Variants in PCDHAC2 observed in about 807,000 individuals in gnomAD.
The protein encoded by PCDHAC2 is protocadherin alpha-C2.
In PCDHAC2, 24 loss-of-function variants were observed where a neutral mutation model predicts 63.3. The observed-to-expected ratio is 0.38, with a 90% CI of 0.27 to 0.53. PCDHAC2 has a LOEUF of 0.53. PCDHAC2 is among the 20% of genes least tolerant of loss of function. The pLI is 0.81. For missense variants in PCDHAC2, 1,181 were observed against 1,275.2 expected, an observed-to-expected ratio of 0.93 and a Z score of 1.12; for synonymous variants, 569 against 529.4, an observed-to-expected ratio of 1.07 and a Z score of -1.03.
At chr5:140,984,260 A>G (rs2097093759) in intron 3 of PCDHAC2, among the ~76,000 whole-genome samples, 1 of 152,172 alleles carries the variant, frequency 6.6e-6, no homozygotes, top group South Asian at 2.1e-4. Context: ...GTAAGCCACA[A>G]ACTAACTTTG....
chr5:140,982,802 T>G (rs2153829847), intron 3 of PCDHAC2, among the ~76,000 whole-genome samples: 1 of 152,122 alleles, frequency 6.6e-6, no homozygotes, highest in South Asian at 2.1e-4. Context: ...TGCATGTGTG[T>G]GTGTGTGTAT....
intron 2 of PCDHAC2, 158 bp downstream of exon 2, chr5:140,979,165 A>G (rs1586797430): frequency 1.0e-6 from 1 of 970,900 alleles, no homozygotes; most frequent in South Asian, 4.8e-5. Flanking sequence ...TTATTCCTTG[A>G]AAGATCGCAA....
At chr5:140,980,113 C>T (rs2096877031) in intron 2 of PCDHAC2, among the ~76,000 whole-genome samples, 1 of 152,096 alleles carries the variant, frequency 6.6e-6, no homozygotes, top group African/African-American at 2.4e-5. Context: ...ACATTGGAAC[C>T]TGGGTCATAA....
Position 140,982,457 on chromosome 5 carries a change from G to A in PCDHAC2, c.2625-18G>A, listed in dbSNP as rs782510565. 6.2e-7 allele frequency: 1 copy of A among 1,613,966 alleles called. No homozygotes were observed. Among genetic ancestry groups the A allele is most frequent in the African/African-American group, 1.3e-5 (1 of 74,916 alleles). ...AATTTATGATCTAACCGTTATCTGG[G>A]TCTGTGTGTTTATTCAGCTCTGTGC... On this transcript the variant is annotated intron_variant, in intron 2 of 3. Transcript: ENST00000289269.
At chr5:140,998,738 A>G (rs1163158052) in intron 3 of PCDHAC2, among the ~76,000 whole-genome samples, 1 of 151,972 alleles carries the variant, frequency 6.6e-6, no homozygotes, top group Non-Finnish European at 1.5e-5. Context: ...CTAATTTTGT[A>G]TTTTTAGAAG....
chr5:140,982,154 G>A (rs1304368371), intron 2 of PCDHAC2, among the ~76,000 whole-genome samples: 3 of 152,210 alleles, frequency 2.0e-5, no homozygotes, highest in East Asian at 1.9e-4. Flanking sequence ...CTTCAGTATC[G>A]AGATGTTAAA....
intron 1 of PCDHAC2, among the ~76,000 whole-genome samples, chr5:140,973,877 A>G (rs782563295): frequency 6.6e-6 from 1 of 152,234 alleles, no homozygotes; most frequent in Non-Finnish European, 1.5e-5. Context: ...AGGTCAGAAT[A>G]ATGTCAATTT....
At chr5:140,988,761 A>G (rs1320753301) in intron 3 of PCDHAC2, among the ~76,000 whole-genome samples, 1 of 152,218 alleles carries the variant, frequency 6.6e-6, no homozygotes, top group Non-Finnish European at 1.5e-5. Context: ...TGGGCAGAAT[A>G]CAGTCATGGT....
At chr5:140,973,858 C>G (rs1277402007) in intron 1 of PCDHAC2, among the ~76,000 whole-genome samples, 1 of 152,156 alleles carries the variant, frequency 6.6e-6, no homozygotes, top group Non-Finnish European at 1.5e-5. Flanking sequence ...AATTTTTGCT[C>G]TCAATGAGAG....
In PCDHAC2 at chr5:141,010,735, T is replaced by G. The variant is rs192374006; in HGVS notation, c.*798T>G. On this transcript the variant is annotated 3_prime_UTR_variant, in exon 4 of 4. Coordinates refer to ENST00000289269, the MANE Select transcript of PCDHAC2 (RefSeq NM_018899.6). ...GTGCTCACTTTATTAAAAATTCTTT[T>G]GCACACAATGTTTATGAAAAGGCCA... The G allele has an allele frequency of 6.5e-6, 1 of 154,174 alleles. No individual in the cohort carries two copies. The highest frequency in any genetic ancestry group is 1.5e-5 in the Non-Finnish European group (1 of 68,224). 9.6% of individuals were successfully genotyped at this position (154,174 alleles called of 1,614,324 possible). A position where few individuals can be genotyped will look rare whatever the true frequency, so the allele number is the denominator to read the frequency against.
intron 3 of PCDHAC2, among the ~76,000 whole-genome samples, chr5:141,000,764 A>G (rs1371396511): frequency 2.0e-5 from 3 of 151,808 alleles, no homozygotes; most frequent in Non-Finnish European, 4.4e-5. Context: ...AATCTTAGCC[A>G]GGCATAGTGG....
At chr5:141,002,014 C>T (rs1025365420) in intron 3 of PCDHAC2, among the ~76,000 whole-genome samples, 1 of 152,220 alleles carries the variant, frequency 6.6e-6, no homozygotes, top group Non-Finnish European at 1.5e-5. Context: ...AGAATCTGCA[C>T]AGCCTTCGGT....
At chr5:140,991,792 T>A (rs541458701) in intron 3 of PCDHAC2, among the ~76,000 whole-genome samples, 4 of 152,282 alleles carry the variant, frequency 2.6e-5, no homozygotes, top group Non-Finnish European at 5.9e-5. Context: ...CATTTCCCAA[T>A]CTCAAGGCCA....
At chr5:140,984,398 A>T (rs1377930175) in intron 3 of PCDHAC2, among the ~76,000 whole-genome samples, 1 of 152,142 alleles carries the variant, frequency 6.6e-6, no homozygotes, top group Non-Finnish European at 1.5e-5. Flanking sequence ...AAATGTTGAG[A>T]ACCTATCTTT....
At chr5:140,985,491 G>C (rs1288786153) in intron 3 of PCDHAC2, among the ~76,000 whole-genome samples, 3 of 152,166 alleles carry the variant, frequency 2.0e-5, no homozygotes, top group African/African-American at 7.2e-5. Flanking sequence ...GACTCAAATA[G>C]AGCCTGCCTT....
intron 3 of PCDHAC2, among the ~76,000 whole-genome samples, chr5:141,000,900 G>A (rs1020896392): frequency 6.6e-6 from 1 of 151,614 alleles, no homozygotes; most frequent in African/African-American, 2.4e-5. Flanking sequence ...AGATATAGAC[G>A]CTGTCTCTAA....
In PCDHAC2 at chr5:140,968,442, T is replaced by G. The variant is rs1245424149; in HGVS notation, c.1676T>G (p.Leu559Arg). 5 of 1,613,950 alleles carry G rather than the reference T, an allele frequency of 3.1e-6. No homozygotes were observed. The highest frequency in any genetic ancestry group is 4.2e-6 in the Non-Finnish European group (5 of 1,180,032). ...GCTCAGGACAAGGGGAGCCCACCACTGAGCAGCACTGTGACTGCCAACGTA... is the reference window on the plus strand; with the variant it reads ...GCTCAGGACAAGGGGAGCCCACCACGGAGCAGCACTGTGACTGCCAACGTA... ...VEAQDKGSPP[L>R]SSTVTANVYV... The change falls in exon 1 of 4, where the codon CTG becomes CGG. Residue 559 changes from leucine (L) to arginine (R), a missense_variant. Physicochemically the swap from Leu to Arg is moderately radical, Grantham distance 102. Coordinates refer to ENST00000289269, the MANE Select transcript of PCDHAC2 (RefSeq NM_018899.6).
At chr5:141,000,547 A>T (rs2097946124) in intron 3 of PCDHAC2, among the ~76,000 whole-genome samples, 1 of 147,246 alleles carries the variant, frequency 6.8e-6, no homozygotes, top group Non-Finnish European at 1.5e-5. Context: ...CATGCCTCAA[A>T]CTCCCGAGTA....
chr5:141,010,188 T>G lies in PCDHAC2; in HGVS notation c.*251T>G. 6.4e-7 allele frequency: 1 copy of G among 1,553,070 alleles called. No individual in the cohort carries two copies. On this transcript the variant is annotated 3_prime_UTR_variant, in exon 4 of 4. Coordinates refer to ENST00000289269, the MANE Select transcript of PCDHAC2 (RefSeq NM_018899.6). ...CAGAACCTAAAAAGCAGACCCAAGT[T>G]TCCTTTCTCCTCCGCCGCAAAGGAG...
Sources: allele counts gnomAD v4.1 joint callset (sites outside exome capture counted in the v4.1 genomes callset), GRCh38; gene constraint gnomAD v4.1.1; transcripts MANE v1.5; gene names NCBI Gene and HGNC (gene_info 2026-07-23, HGNC 2026-07-21).